The following SCN11A variants were observed in gnomAD, a reference collection of about 807,000 sequenced individuals.
SCN11A encodes the protein sodium channel protein type 11 subunit alpha.
Under a neutral mutation model 162.2 loss-of-function variants are expected in SCN11A, and 122 were observed. The ratio of observed to expected loss-of-function variants is 0.75; its 90% CI spans 0.65 to 0.87. SCN11A has a LOEUF of 0.87. Ranked by LOEUF, SCN11A falls within the 40% of genes least tolerant of loss-of-function variation. SCN11A has a pLI of 0.00. For synonymous variants in SCN11A, 758 were observed against 751.5 expected (o/e 1.01, Z -0.14); for missense variants, 2,015 against 2,181.6 (o/e 0.92, Z 1.52).
Position 38,954,380 on chromosome 3 carries a change from G to A in SCN11A, c.-138-621C>T, listed in dbSNP as rs763995781. On this transcript the variant is annotated intron_variant, in intron 3 of 29. Transcript: ENST00000302328. The stretch of plus-strand genomic sequence containing the variant: ...CTAGTCAATCCTGTAAAATGGATGC[G>A]CTGTGAAAGACCCTGGATGGTAAAA... Among the ~76,000 whole-genome samples, 36 of 152,256 alleles carry A rather than the reference G, an allele frequency of 2.4e-4. 1 individual carries two copies. The highest frequency in any genetic ancestry group is 2.0e-4 in the Admixed American group (3 of 15,290).
chr3:39,050,153 G>A (rs1344751349), intron 1 of SCN11A, among the ~76,000 whole-genome samples: 1 of 152,164 alleles, frequency 6.6e-6, no homozygotes. Flanking sequence ...TGCTGGGTAT[G>A]GCCTCTGCAT....
chr3:39,017,003 C>T (rs1457528026), intron 2 of SCN11A, among the ~76,000 whole-genome samples: 2 of 152,164 alleles, frequency 1.3e-5, no homozygotes, highest in Non-Finnish European at 2.9e-5. Flanking sequence ...AGTGCTTGAA[C>T]TGACTGTGTT....
chr3:39,042,956 T>TAAAAAA (rs2032085752), intron 1 of SCN11A, among the ~76,000 whole-genome samples: 1 of 20,114 alleles, frequency 5.0e-5, no homozygotes, highest in Admixed American at 6.5e-4. Flanking sequence ...AAACTCCATC[T>TAAAAAA]CAAAAAAAAA....
chr3:39,009,988 G>C (rs2031081196), intron 2 of SCN11A, among the ~76,000 whole-genome samples: 1 of 151,612 alleles, frequency 6.6e-6, no homozygotes, highest in Admixed American at 6.6e-5. Flanking sequence ...CCCAGCCAGG[G>C]CATGTACATA....
At chr3:39,048,209 T>C (rs923077639) in intron 1 of SCN11A, among the ~76,000 whole-genome samples, 2 of 152,210 alleles carry the variant, frequency 1.3e-5, no homozygotes, top group Non-Finnish European at 1.5e-5. Context: ...AATTATGTCA[T>C]TTGCAGCAAC....
Position 38,945,453 on chromosome 3 carries a change from C to A in SCN11A, c.446G>T (p.Gly149Val). The A allele has an allele frequency of 6.2e-7, 1 of 1,603,236 alleles. No individual in the cohort carries two copies. The highest frequency in any genetic ancestry group is 1.3e-5 in the African/African-American group (1 of 74,698). ...GTTACTGTTGCTGTTTTTAGCAGGC[C>A]CTGTAGCCATGAACACGCAGTTGAT... is the stretch of plus-strand genomic sequence containing the variant. ...VIINCVFMAT[G>V]PAKNSNSNNT... The change falls in exon 7 of 30, where the codon GGG (glycine) becomes GTG (valine). Residue 149 changes from glycine to valine, a missense_variant. By Grantham distance (109) the Gly-to-Val change is moderately radical. Transcript: ENST00000302328.
intron 2 of SCN11A, among the ~76,000 whole-genome samples, chr3:39,005,167 A>C (rs1216055131): frequency 6.6e-6 from 1 of 152,198 alleles, no homozygotes. Flanking sequence ...ATCGGTTTTT[A>C]AGTTATGAGT....
intron 7 of SCN11A, among the ~76,000 whole-genome samples, chr3:38,930,125 T>C (rs775606096): frequency 1.3e-5 from 2 of 152,166 alleles, no homozygotes; most frequent in Non-Finnish European, 2.9e-5. Flanking sequence ...ACACGCTCAC[T>C]TGGGACAGAA....
rs561204433 is a variant in SCN11A, at chr3:39,042,957, CA to C, written c.-404+8903del. 4.2e-4 allele frequency among the ~76,000 whole-genome samples: 28 copies of C among 66,018 alleles called. No homozygotes were observed. In the East Asian group the frequency reaches 4.8e-3, roughly 11 times the overall value. 43.3% of individuals were successfully genotyped at this position (66,018 alleles called of 152,430 possible). A position where few individuals can be genotyped will look rare whatever the true frequency, so the allele number is the denominator to read the frequency against. On this transcript the variant is annotated intron_variant, in intron 1 of 29. Coordinates refer to ENST00000302328, the MANE Select transcript of SCN11A (RefSeq NM_001349253.2). ...GGGCAACAAGAGCGAAACTCCATCT[CA>C]AAAAAAAAAAAAAAAAAAAAAGAAA...
chr3:38,979,641 A>C (rs775337354), intron 2 of SCN11A, among the ~76,000 whole-genome samples: 6 of 152,180 alleles, frequency 3.9e-5, no homozygotes, highest in Non-Finnish European at 7.4e-5. Flanking sequence ...ACACCAAAAA[A>C]ATTTGATCAT....
At chr3:38,949,163 T>C (rs1056920855) in intron 5 of SCN11A, among the ~76,000 whole-genome samples, 1 of 152,196 alleles carries the variant, frequency 6.6e-6, no homozygotes, top group Non-Finnish European at 1.5e-5. Flanking sequence ...CCTCCCAGCC[T>C]CCTAGGTCTC....
rs751872297 is a variant in SCN11A at position 38,883,216 on chromosome 3, A to T, written c.3219+17T>A. The T allele has an allele frequency of 1.2e-6, 2 of 1,607,972 alleles. No individual in the cohort carries two copies. The highest frequency in any genetic ancestry group is 1.7e-6 in the Non-Finnish European group (2 of 1,176,644). ...TGCCCTGATGCCCAATGTCTCCACA[A>T]GACAATGATGATTTACCAGTGCCCC... On this transcript the variant is annotated intron_variant, in intron 22 of 29. Coordinates refer to ENST00000302328, the MANE Select transcript of SCN11A (RefSeq NM_001349253.2).
intron 12 of SCN11A, 48 bp from the exon 13 acceptor site, chr3:38,909,242 G>C: frequency 6.3e-7 from 1 of 1,587,172 alleles, no homozygotes; most frequent in Non-Finnish European, 8.6e-7. Flanking sequence ...TCTTCCACAG[G>C]AAAGTGACCA....
At chr3:39,038,308 A>C (rs1471089163) in intron 1 of SCN11A, among the ~76,000 whole-genome samples, 1 of 152,234 alleles carries the variant, frequency 6.6e-6, no homozygotes, top group African/African-American at 2.4e-5. Flanking sequence ...CTGAGGTTAC[A>C]TGAACATACT....
At chr3:38,919,059 G>A (rs1283621623) in intron 11 of SCN11A, among the ~76,000 whole-genome samples, 1 of 152,102 alleles carries the variant, frequency 6.6e-6, no homozygotes, top group Non-Finnish European at 1.5e-5. Flanking sequence ...GGCAACTGTA[G>A]CACAATGGTA....
At position 38,951,306 on chromosome 3, in the gene SCN11A, C is replaced by T. The variant is rs573728824; in HGVS notation, c.-7-937G>A. Among the ~76,000 whole-genome samples the T allele has an allele frequency of 2.0e-3, 312 of 152,352 alleles. 1 individual carries two copies. The highest frequency in any genetic ancestry group is 7.2e-3 in the African/African-American group (299 of 41,590). On this transcript the variant is annotated intron_variant, in intron 4 of 29. Coordinates refer to ENST00000302328, the MANE Select transcript of SCN11A (RefSeq NM_001349253.2). Reference sequence around the variant, plus strand: ...GGCTTGGCACCCGGGCCAGTGGCTGCGGAGGGTGTACTGGGTCCCCCAGCA... The same window carrying T: ...GGCTTGGCACCCGGGCCAGTGGCTGTGGAGGGTGTACTGGGTCCCCCAGCA...
chr3:38,901,182 T>A (rs1169827240), intron 16 of SCN11A, among the ~76,000 whole-genome samples: 1 of 152,220 alleles, frequency 6.6e-6, no homozygotes, highest in Non-Finnish European at 1.5e-5. Context: ...AATGATTCAA[T>A]GATTTACTAT....
At chr3:39,000,609 T>G (rs2030779916) in intron 2 of SCN11A, among the ~76,000 whole-genome samples, 1 of 152,226 alleles carries the variant, frequency 6.6e-6, no homozygotes, top group Non-Finnish European at 1.5e-5. Context: ...CTTAATTATT[T>G]AATAGTCCTT....
chr3:39,017,216 A>G (rs1376370119), intron 2 of SCN11A, among the ~76,000 whole-genome samples: 1 of 152,214 alleles, frequency 6.6e-6, no homozygotes, highest in African/African-American at 2.4e-5. Flanking sequence ...CCTTCTGCAA[A>G]CCAGAAAGTG....
Sources: allele counts gnomAD v4.1 joint callset (sites outside exome capture counted in the v4.1 genomes callset), GRCh38; gene constraint gnomAD v4.1.1; transcripts MANE v1.5; gene names NCBI Gene and HGNC (gene_info 2026-07-23, HGNC 2026-07-21).